Variants in PTPRN2 observed in about 807,000 individuals in gnomAD.
PTPRN2 encodes the protein receptor-type tyrosine-protein phosphatase N2.
In PTPRN2, 74 loss-of-function variants were observed where a neutral mutation model predicts 118.8. That is an observed-to-expected ratio of 0.62 (90% CI 0.52 to 0.76). The LOEUF (loss-of-function observed/expected upper bound fraction) is 0.76, where lower values mean the gene tolerates loss of function less well. PTPRN2 is among the 30% of genes least tolerant of loss of function. The pLI, the probability that PTPRN2 is intolerant of heterozygous loss-of-function variation, is 0.00. For missense variants in PTPRN2, 1,481 were observed against 1,394.4 expected (o/e 1.06, Z -0.99); for synonymous variants, 641 against 608.0 (o/e 1.05, Z -0.80).
chr7:157,886,781 G>C (rs1255989083), intron 12 of PTPRN2, among the ~76,000 whole-genome samples: 4 of 152,262 alleles, frequency 2.6e-5, no homozygotes, highest in African/African-American at 9.6e-5. Context: ...GGCTGCCCCA[G>C]GGCCACTGAA....
At chr7:158,505,035 A>G (rs552085715) in intron 1 of PTPRN2, among the ~76,000 whole-genome samples, 1 of 152,346 alleles carries the variant, frequency 6.6e-6, no homozygotes, top group South Asian at 2.1e-4. Flanking sequence ...AATGCAAACT[A>G]TGTTCCCCTC....
In PTPRN2 at chr7:158,439,247, C is replaced by T. The variant is rs112631913; in HGVS notation, c.163+50488G>A. On this transcript the variant is annotated intron_variant, in intron 2 of 22. Transcript: ENST00000389418. Reference sequence around the variant, plus strand: ...ACCTCGGGCACATGCCTCAGGCCCCCGTCCACCTCCTGCGCATGCCTCAGC... The same window carrying T: ...ACCTCGGGCACATGCCTCAGGCCCCTGTCCACCTCCTGCGCATGCCTCAGC... Among the ~76,000 whole-genome samples the T allele has an allele frequency of 4.7e-3, 718 of 152,170 alleles. 5 individuals carry two copies. The highest frequency in any genetic ancestry group is 7.7e-3 in the Non-Finnish European group (522 of 68,010).
chr7:158,179,521 GC>G (rs1195679495), intron 5 of PTPRN2, among the ~76,000 whole-genome samples: 3 of 152,080 alleles, frequency 2.0e-5, no homozygotes, highest in African/African-American at 7.2e-5. Context: ...TGTTTTAGTT[GC>G]ATTTGCTTTT....
chr7:158,448,051 T>G (rs1019520859), intron 2 of PTPRN2, among the ~76,000 whole-genome samples: 1 of 152,084 alleles, frequency 6.6e-6, no homozygotes, highest in Non-Finnish European at 1.5e-5. Context: ...CTGCTGAGGG[T>G]GAAGCCAAGC....
chr7:158,126,061 C>G (rs1249865282), intron 9 of PTPRN2, among the ~76,000 whole-genome samples: 5 of 140,196 alleles, frequency 3.6e-5, no homozygotes, highest in South Asian at 2.3e-4. Context: ...GCCCCCAGGA[C>G]AGCGGGCGGC....
At position 157,615,008 on chromosome 7, in the gene PTPRN2, A is replaced by G. The variant is rs978750181; in HGVS notation, c.2344+6354T>C. On this transcript the variant is annotated intron_variant, in intron 15 of 22. Transcript: ENST00000389418. This position sits in a 1 kb window ranked among gnomAD's most constrained non-coding sequence, Gnocchi z 4.3. ...TCTTAGTTATAACGGGGCTGCAGCT[A>G]CCTAGGAGAAGGCCCTTGTATTTAG... Among the ~76,000 whole-genome samples the G allele has an allele frequency of 2.6e-5, 4 of 152,208 alleles. No homozygotes were observed. Among genetic ancestry groups the G allele is most frequent in the Admixed American group, 6.5e-5 (1 of 15,288 alleles).
intron 13 of PTPRN2, among the ~76,000 whole-genome samples, chr7:157,657,667 CCA>C (rs1158037550): frequency 1.3e-4 from 12 of 94,482 alleles, no homozygotes; most frequent in African/African-American, 4.1e-4. Flanking sequence ...CACATACACC[CCA>C]CACACACACC....
intron 21 of PTPRN2, among the ~76,000 whole-genome samples, chr7:157,561,514 C>T (rs1255387624): frequency 6.6e-6 from 1 of 152,260 alleles, no homozygotes; most frequent in Admixed American, 6.5e-5. Flanking sequence ...GTGCCTTCCA[C>T]CATCCTCCCT....
intron 11 of PTPRN2, among the ~76,000 whole-genome samples, chr7:158,061,974 C>T (rs1004724019): frequency 6.6e-6 from 1 of 152,254 alleles, no homozygotes; most frequent in African/African-American, 2.4e-5. Context: ...GCGTGGTGTC[C>T]CACGAAGGCG....
At chr7:157,930,368 G>C (rs915216167) in intron 11 of PTPRN2, among the ~76,000 whole-genome samples, 2 of 152,228 alleles carry the variant, frequency 1.3e-5, no homozygotes, top group African/African-American at 4.8e-5. Flanking sequence ...GTGATTCGCA[G>C]CCTCCTGAGA....
chr7:158,343,456 C>T (rs1807223969), intron 2 of PTPRN2, among the ~76,000 whole-genome samples: 3 of 152,156 alleles, frequency 2.0e-5, no homozygotes, highest in African/African-American at 4.8e-5. Flanking sequence ...CTGTGCTCCG[C>T]GGGCAGGAAC....
chr7:158,111,139 G>T (rs762913503), intron 9 of PTPRN2, among the ~76,000 whole-genome samples: 37 of 152,230 alleles, frequency 2.4e-4, no homozygotes, highest in African/African-American at 8.9e-4. Flanking sequence ...GTGGCCCACC[G>T]TGTGGAGACT....
intron 3 of PTPRN2, among the ~76,000 whole-genome samples, chr7:158,231,571 C>G (rs1025771652): frequency 6.6e-6 from 1 of 152,130 alleles, no homozygotes; most frequent in African/African-American, 2.4e-5. Context: ...ATCATTCAGG[C>G]AAGAAATCAA....
intron 1 of PTPRN2, among the ~76,000 whole-genome samples, chr7:158,510,721 G>A (rs1230153463): frequency 1.3e-5 from 2 of 152,154 alleles, no homozygotes; most frequent in African/African-American, 4.8e-5. Flanking sequence ...TTTAAAAACT[G>A]AGGAAAAGAA....
At chr7:158,050,767 C>T (rs1333130961) in intron 11 of PTPRN2, among the ~76,000 whole-genome samples, 1 of 152,266 alleles carries the variant, frequency 6.6e-6, no homozygotes, top group Non-Finnish European at 1.5e-5. Flanking sequence ...GTCTCCATCT[C>T]CTCAAGTACC....
chr7:157,784,919 G>A lies in PTPRN2; in HGVS notation c.1789-101982C>T, dbSNP rs774657833. On this transcript the variant is annotated intron_variant, in intron 12 of 22. Transcript: ENST00000389418. The surrounding 1 kb of genome is among the most constrained non-coding windows in gnomAD (Gnocchi z 4.6). The stretch of plus-strand genomic sequence containing the variant: ...TGGGCAGCTGTTTCTCTGAGGAAAC[G>A]CGCCCCTCCCCAGTGGCCAGGTGAG... Among the ~76,000 whole-genome samples the A allele has an allele frequency of 2.6e-5, 4 of 152,140 alleles. No individual in the cohort carries two copies. Among genetic ancestry groups the A allele is most frequent in the African/African-American group, 4.8e-5 (2 of 41,432 alleles).
chr7:157,917,249 A>G (rs1458821128), intron 11 of PTPRN2, among the ~76,000 whole-genome samples: 1 of 152,246 alleles, frequency 6.6e-6, no homozygotes, highest in African/African-American at 2.4e-5. Flanking sequence ...TCATTTTAAA[A>G]TGTCCTGTAT....
rs555922898 is a variant in PTPRN2 at position 158,067,106 on chromosome 7, G to T, written c.1723+14192C>A. On this transcript the variant is annotated intron_variant, in intron 11 of 22. Coordinates refer to ENST00000389418, the MANE Select transcript of PTPRN2 (RefSeq NM_002847.5). ...GCCTGCTGCTGTAGTTACTGTTCAG[G>T]TTACTATGGCCACAGGAGGGCTGAG... is the stretch of plus-strand genomic sequence containing the variant. Among the ~76,000 whole-genome samples the T allele has an allele frequency of 2.0e-3, 306 of 152,320 alleles. 2 individuals carry two copies. The highest frequency in any genetic ancestry group is 6.9e-3 in the African/African-American group (288 of 41,570).
intron 12 of PTPRN2, among the ~76,000 whole-genome samples, chr7:157,781,441 A>G (rs1203333183): frequency 2.0e-5 from 3 of 152,188 alleles, no homozygotes; most frequent in African/African-American, 4.8e-5. Flanking sequence ...AGCAAACACC[A>G]TCGAATCAGG....
Sources: gnomAD v4.1 joint callset for allele counts (sites outside exome capture counted in the v4.1 genomes callset) on GRCh38, gnomAD v4.1.1 for gene constraint, Gnocchi (gnomAD v3.1) non-coding constraint, MANE v1.5 for transcripts, NCBI Gene and HGNC (gene_info 2026-07-23, HGNC 2026-07-21) for gene names.